Variants in TERB2 observed in about 807,000 individuals in gnomAD.
The protein encoded by TERB2 is telomere repeats-binding bouquet formation protein 2.
Under a neutral mutation model 29.8 loss-of-function variants are expected in TERB2, and 26 were observed. The ratio of observed to expected loss-of-function variants is 0.87; its 90% CI spans 0.64 to 1.21. The LOEUF is 1.21. Among genes scored for constraint, TERB2 ranks in the 50% most tolerant of loss-of-function variants. The pLI is 0.00. For synonymous variants in TERB2, 80 were observed against 90.8 expected (o/e 0.88, Z 0.68); for missense variants, 240 against 268.6 (o/e 0.89, Z 0.74).
rs990562763 is a variant in TERB2, at chr15:44,973,989, T to G, written c.523+34T>G. 4 of 1,470,868 alleles carry G rather than the reference T, an allele frequency of 2.7e-6. No individual in the cohort carries two copies. The East Asian group carries it at 7.9e-5, about 29-fold the overall frequency. 91.1% of individuals were successfully genotyped at this position (1,470,868 alleles called of 1,614,324 possible). A position where few individuals can be genotyped will look rare whatever the true frequency, so the allele number is the denominator to read the frequency against. The stretch of plus-strand genomic sequence containing the variant: ...AAATAAAATTTAGAGTAAACTCAGG[T>G]AGGAAAGAAACAAGGGAATATTGTG... On this transcript the variant is annotated intron_variant, in intron 6 of 6. Transcript: ENST00000340827.
chr15:44,975,409 A>G (rs1892031193), intron 6 of TERB2, among the ~76,000 whole-genome samples: 1 of 152,066 alleles, frequency 6.6e-6, no homozygotes, highest in African/African-American at 2.4e-5. Context: ...AGTGACTAAG[A>G]GTACTAATTT....
At chr15:44,972,640 C>G (rs767333118) in intron 5 of TERB2, among the ~76,000 whole-genome samples, 1 of 151,226 alleles carries the variant, frequency 6.6e-6, no homozygotes, top group Non-Finnish European at 1.5e-5. Context: ...CTCAGCCTCC[C>G]GAATAGCTGG....
intron 2 of TERB2, among the ~76,000 whole-genome samples, chr15:44,957,618 T>C (rs1891738561): frequency 6.6e-6 from 1 of 152,218 alleles, no homozygotes; most frequent in Admixed American, 6.5e-5. Context: ...GTAATTGTTC[T>C]TCATCCTCAC....
chr15:44,973,758 A>T, intron 5 of TERB2, 109 bp from the exon 6 acceptor site: 1 of 790,332 alleles, frequency 1.3e-6, no homozygotes, highest in Non-Finnish European at 1.6e-6. Context: ...TAGTAAAGGT[A>T]ATTATGTATT....
At chr15:44,961,736 GTC>G (rs1891806615) in intron 4 of TERB2, 152 bp downstream of exon 4, 6 of 543,996 alleles carry the variant, frequency 1.1e-5, no homozygotes, top group Middle Eastern at 5.0e-4. Flanking sequence ...GTCTCACTCT[GTC>G]TCCCAGGCTG....
At chr15:44,968,809 A>C (rs1057162362) in intron 5 of TERB2, among the ~76,000 whole-genome samples, 2 of 151,920 alleles carry the variant, frequency 1.3e-5, no homozygotes, top group Non-Finnish European at 2.9e-5. Flanking sequence ...ACATCTTTTT[A>C]AAAATAAATC....
chr15:44,958,370 T>C lies in TERB2; in HGVS notation c.147-3T>C, dbSNP rs1891752548. 1 of 1,603,390 alleles carries C rather than the reference T, an allele frequency of 6.2e-7. No homozygotes were observed. Among genetic ancestry groups the C allele is most frequent in the Non-Finnish European group, 8.5e-7 (1 of 1,177,110 alleles). ...CCTAAAATATTTCCTTTCTTTCTCC[T>C]AGAATATATCAGAGCCTTGATTACA... On this transcript the variant is annotated splice_polypyrimidine_tract_variant and splice_region_variant and intron_variant, in intron 2 of 6. Coordinates refer to ENST00000340827, the MANE Select transcript of TERB2 (RefSeq NM_152448.3).
chr15:44,966,569 AG>A (rs1348953090), intron 5 of TERB2, among the ~76,000 whole-genome samples: 1 of 152,218 alleles, frequency 6.6e-6, no homozygotes, highest in African/African-American at 2.4e-5. Flanking sequence ...CTGTCTCTGC[AG>A]AAAGGAGACA....
chr15:44,966,290 C>T (rs1891887329), intron 5 of TERB2, 47 bp downstream of exon 5: 2 of 1,188,832 alleles, frequency 1.7e-6, no homozygotes, highest in South Asian at 2.0e-5. Context: ...ATGTAGAAAT[C>T]TGTGAGCACT....
chr15:44,962,837 C>A (rs1404669995), intron 4 of TERB2: 3 of 152,196 alleles, frequency 2.0e-5, no homozygotes, highest in Non-Finnish European at 4.4e-5. Flanking sequence ...CATGTGCTTG[C>A]TTCGGCAGCA....
Position 44,958,468 on chromosome 15 carries a change from T to C in TERB2, c.242T>C (p.Val81Ala), listed in dbSNP as rs554833143. The C allele has an allele frequency of 3.7e-6, 6 of 1,614,116 alleles. No individual in the cohort carries two copies. The highest frequency in any genetic ancestry group is 3.3e-5 in the Admixed American group (2 of 60,012). The change falls in exon 3 of 7, where the codon GTG becomes GCG. Residue 81 changes from valine to alanine, a missense_variant. By Grantham distance (64) the Val-to-Ala change is moderately conservative. Transcript: ENST00000340827. Reference sequence around the variant, plus strand: ...GCTAATGCCAAAATAAAAAACTCGGTGGCTTTGGGTCATTTCATTCTTCCT... The same window carrying C: ...GCTAATGCCAAAATAAAAAACTCGGCGGCTTTGGGTCATTTCATTCTTCCT... ...AVANAKIKNS[V>A]ALGHFILPPA...
chr15:44,963,804 C>CTTTT (rs34438861), intron 4 of TERB2, among the ~76,000 whole-genome samples: 203 of 79,150 alleles, frequency 2.6e-3, no homozygotes, highest in African/African-American at 4.2e-3. Flanking sequence ...TTATACTATT[C>CTTTT]TTTTTTTTTT....
At chr15:44,973,992 G>A in intron 6 of TERB2, 37 bp downstream of exon 6, 1 of 1,414,244 alleles carries the variant, frequency 7.1e-7, no homozygotes, top group Non-Finnish European at 9.5e-7. Flanking sequence ...ACTCAGGTAG[G>A]AAAGAAACAA....
Position 44,960,842 on chromosome 15 carries a change from C to T in TERB2, c.287-681C>T, listed in dbSNP as rs139431786. 2.2e-3 allele frequency among the ~76,000 whole-genome samples: 335 copies of T among 152,094 alleles called. 2 individuals are homozygous for T. Among genetic ancestry groups the T allele is most frequent in the African/African-American group, 7.7e-3 (320 of 41,534 alleles). ...TGAGATCATTGAGTTTGGATGATGA[C>T]ATTGTCCTTTGACATACTGACCATT... On this transcript the variant is annotated intron_variant, in intron 3 of 6. Coordinates refer to ENST00000340827, the MANE Select transcript of TERB2 (RefSeq NM_152448.3).
intron 5 of TERB2, among the ~76,000 whole-genome samples, chr15:44,971,329 T>C (rs533682202): frequency 6.6e-6 from 1 of 152,332 alleles, no homozygotes; most frequent in South Asian, 2.1e-4. Context: ...GTTATTGAAA[T>C]GAGGATATTG....
At chr15:44,972,242 CGGCCTCCCAAAGT>C (rs1891982830) in intron 5 of TERB2, among the ~76,000 whole-genome samples, 1 of 151,868 alleles carries the variant, frequency 6.6e-6, no homozygotes, top group South Asian at 2.1e-4. Flanking sequence ...CCACCCGCCT[CGGCCTCCCAAAGT>C]GCTGGGATTA....
intron 5 of TERB2, among the ~76,000 whole-genome samples, chr15:44,969,559 C>T (rs2141243265): frequency 6.6e-6 from 1 of 151,468 alleles, no homozygotes; most frequent in East Asian, 1.9e-4. Context: ...AAAGCTGAGC[C>T]ATGAGGATAG....
chr15:44,978,354 GTAT>G, intron 6 of TERB2, 132 bp from the exon 7 acceptor site: 1 of 1,247,824 alleles, frequency 8.0e-7, no homozygotes, highest in Non-Finnish European at 1.0e-6. Context: ...CTTCTCACTG[GTAT>G]TATTTCTTCT....
chr15:44,962,905 C>A (rs538963962), intron 4 of TERB2: 22 of 151,782 alleles, frequency 1.4e-4, no homozygotes, highest in East Asian at 7.8e-4. Context: ...AAAGATGACA[C>A]GCAAATTCGT....
Sources: gnomAD v4.1 joint callset for allele counts (sites outside exome capture counted in the v4.1 genomes callset) on GRCh38, gnomAD v4.1.1 for gene constraint, MANE v1.5 for transcripts, NCBI Gene and HGNC (gene_info 2026-07-23, HGNC 2026-07-21) for gene names.